The following SNTG1 variants were observed in gnomAD, a reference collection of about 807,000 sequenced individuals.
SNTG1 encodes gamma-1-syntrophin.
In SNTG1, 39 loss-of-function variants were observed where a neutral mutation model predicts 74.7. That is an observed-to-expected ratio of 0.52 (90% confidence interval 0.40 to 0.68). The LOEUF (loss-of-function observed/expected upper bound fraction) is 0.68. Among genes scored for constraint, SNTG1 ranks in the 30% least tolerant of loss-of-function variants. SNTG1 has a pLI of 0.00. For missense variants in SNTG1, 685 were observed against 609.5 expected (o/e 1.12, Z -1.30); for synonymous variants, 254 against 217.1 (o/e 1.17, Z -1.49).
chr8:50,704,518 G>T, intron 15 of SNTG1, 82 bp from the exon 16 acceptor site: 2 of 1,568,032 alleles, frequency 1.3e-6, no homozygotes, highest in Non-Finnish European at 8.8e-7. Context: ...TGTGGCTTCT[G>T]CACCTTGGTC....
chr8:50,060,054 G>C (rs1820342323), intron 1 of SNTG1, among the ~76,000 whole-genome samples: 1 of 152,088 alleles, frequency 6.6e-6, no homozygotes, highest in Non-Finnish European at 1.5e-5. Flanking sequence ...GTGTGAAGTG[G>C]TAACTTACAG....
intron 16 of SNTG1, chr8:50,708,228 T>G (rs1369619830): frequency 6.3e-6 from 1 of 157,692 alleles, no homozygotes; most frequent in Non-Finnish European, 1.4e-5. Flanking sequence ...ACAAGAAAAA[T>G]TATAATATTA....
intron 5 of SNTG1, among the ~76,000 whole-genome samples, chr8:50,441,656 C>T (rs1563391754): frequency 1.3e-5 from 2 of 152,210 alleles, no homozygotes; most frequent in Admixed American, 1.3e-4. Flanking sequence ...AGTTTTCTTT[C>T]CATTATTCCT....
At chr8:50,268,115 A>G (rs552131935) in intron 2 of SNTG1, among the ~76,000 whole-genome samples, 9 of 152,232 alleles carry the variant, frequency 5.9e-5, no homozygotes, top group Non-Finnish European at 1.3e-4. Context: ...ATGTACTAAT[A>G]ATAAACATGA....
chr8:50,494,841 C>G (rs1033319835), intron 8 of SNTG1, among the ~76,000 whole-genome samples: 3 of 151,906 alleles, frequency 2.0e-5, no homozygotes, highest in Non-Finnish European at 4.4e-5. Flanking sequence ...TTGTCATTAC[C>G]TTAAATAAGT....
chr8:49,915,060 A>G (rs962612154), intron 1 of SNTG1: 1 of 152,166 alleles, frequency 6.6e-6, no homozygotes, highest in Admixed American at 6.5e-5. Flanking sequence ...TAGGGAAACA[A>G]GTACTACTTG....
At chr8:50,758,333 T>C (rs1585721086) in intron 18 of SNTG1, among the ~76,000 whole-genome samples, 1 of 151,978 alleles carries the variant, frequency 6.6e-6, no homozygotes, top group African/African-American at 2.4e-5. Context: ...TAATTGTTTT[T>C]ATTATAATTT....
chr8:50,631,559 T>C (rs1336418847), intron 13 of SNTG1, among the ~76,000 whole-genome samples: 2 of 152,184 alleles, frequency 1.3e-5, no homozygotes, highest in Middle Eastern at 3.4e-3. Flanking sequence ...TTCAAGGGGG[T>C]GATCACATGT....
chr8:50,029,902 C>T (rs1817603527), intron 1 of SNTG1, among the ~76,000 whole-genome samples: 2 of 151,876 alleles, frequency 1.3e-5, no homozygotes, highest in African/African-American at 4.8e-5. Flanking sequence ...GTTCTATGTT[C>T]CATTTTCTGA....
intron 1 of SNTG1, among the ~76,000 whole-genome samples, chr8:50,075,265 T>C (rs1821749450): frequency 6.6e-6 from 1 of 152,202 alleles, no homozygotes; most frequent in Non-Finnish European, 1.5e-5. Context: ...CCCGTGGGAC[T>C]GACTGACTGG....
intron 4 of SNTG1, among the ~76,000 whole-genome samples, chr8:50,410,168 CTG>C (rs1240681423): frequency 6.6e-6 from 1 of 152,162 alleles, no homozygotes; most frequent in South Asian, 2.1e-4. Flanking sequence ...GGTTCATTAT[CTG>C]TGAAAATGTG....
chr8:50,465,390 C>T (rs10957936), intron 8 of SNTG1, among the ~76,000 whole-genome samples: 109,913 of 151,476 alleles, frequency 0.73, 41,411 homozygotes, highest in East Asian at 0.84. Context: ...ACATTTGTAA[C>T]ACAATAAGAT....
At chr8:50,059,320 G>A (rs1233058755) in intron 1 of SNTG1, among the ~76,000 whole-genome samples, 17 of 152,034 alleles carry the variant, frequency 1.1e-4, no homozygotes, top group Admixed American at 1.1e-3. Context: ...CAATTTTGTT[G>A]TTGTTTTAAC....
Position 50,081,676 on chromosome 8 carries a change from C to T in SNTG1, c.-102-90885C>T, listed in dbSNP as rs551071423. Among the ~76,000 whole-genome samples the T allele has an allele frequency of 5.9e-5, 9 of 152,172 alleles. No homozygotes were observed. In the East Asian group the frequency reaches 1.7e-3, roughly 29 times the overall value. On this transcript the variant is annotated intron_variant, in intron 1 of 18. Transcript: ENST00000642720. ...TTAGATGGAGTCTCTCTCTGTCACCCAGGCTGGAGTGCAGTGGTGCTATCT... is the reference window on the plus strand; with the variant it reads ...TTAGATGGAGTCTCTCTCTGTCACCTAGGCTGGAGTGCAGTGGTGCTATCT...
At chr8:50,217,569 A>G (rs2084854817) in intron 2 of SNTG1, among the ~76,000 whole-genome samples, 1 of 152,174 alleles carries the variant, frequency 6.6e-6, no homozygotes, top group Admixed American at 6.6e-5. Context: ...GGTGCACACA[A>G]GGCCAAATCT....
chr8:49,970,882 C>A (rs1811600272), intron 1 of SNTG1, among the ~76,000 whole-genome samples: 1 of 152,166 alleles, frequency 6.6e-6, no homozygotes. Context: ...GCACACAGGA[C>A]TCAACTCCCA....
intron 1 of SNTG1, among the ~76,000 whole-genome samples, chr8:50,029,202 T>G (rs1351987217): frequency 6.6e-6 from 1 of 152,206 alleles, no homozygotes; most frequent in African/African-American, 2.4e-5. Context: ...TTTTTAATTA[T>G]TATAGGCTCA....
At chr8:50,364,957 C>T (rs1321122313) in intron 2 of SNTG1, among the ~76,000 whole-genome samples, 1 of 151,874 alleles carries the variant, frequency 6.6e-6, no homozygotes, top group African/African-American at 2.4e-5. Context: ...AAAACCATAA[C>T]AAATGTTCTT....
At chr8:50,050,956 A>G (rs542709439) in intron 1 of SNTG1, among the ~76,000 whole-genome samples, 44 of 152,178 alleles carry the variant, frequency 2.9e-4, no homozygotes, top group Admixed American at 5.9e-4. Context: ...CTTTCATGAT[A>G]AAAATACCCA....
Sources: allele counts gnomAD v4.1 joint callset (sites outside exome capture counted in the v4.1 genomes callset), GRCh38; gene constraint gnomAD v4.1.1; transcripts MANE v1.5; gene names NCBI Gene and HGNC (gene_info 2026-07-23, HGNC 2026-07-21).